DNASE2B: variants seen among roughly 807,000 people sequenced by gnomAD.
DNASE2B encodes the protein deoxyribonuclease-2-beta.
In DNASE2B, 43 loss-of-function variants were observed where a neutral mutation model predicts 46.0. The ratio of observed to expected loss-of-function variants is 0.94; its 90% CI spans 0.73 to 1.21. The LOEUF is 1.21. DNASE2B is among the 50% of genes most tolerant of loss of function. DNASE2B has a pLI of 0.00. For synonymous variants in DNASE2B, 156 were observed against 152.5 expected, an observed-to-expected ratio of 1.02 and a Z score of -0.17; for missense variants, 395 against 414.4, an observed-to-expected ratio of 0.95 and a Z score of 0.41.
intron 4 of DNASE2B, among the ~76,000 whole-genome samples, chr1:84,411,822 T>C (rs1003495933): frequency 3.9e-5 from 6 of 152,316 alleles, no homozygotes; most frequent in Middle Eastern, 3.4e-3. Context: ...GTCTCACTAG[T>C]TGAAATCATG....
chr1:84,413,353 T>A (rs934971397), intron 5 of DNASE2B, among the ~76,000 whole-genome samples: 1 of 152,212 alleles, frequency 6.6e-6, no homozygotes, highest in Non-Finnish European at 1.5e-5. Context: ...TCTTCCTTGC[T>A]TATTTGCTTC....
At chr1:84,412,671 G>A in intron 5 of DNASE2B, 125 bp downstream of exon 5, 1 of 1,015,470 alleles carries the variant, frequency 9.8e-7, no homozygotes. Flanking sequence ...AAAAGAAAAG[G>A]AAAAAGGAAA....
chr1:84,411,471 T>A (rs1429329232), intron 4 of DNASE2B, among the ~76,000 whole-genome samples: 156 of 44,766 alleles, frequency 3.5e-3, no homozygotes, highest in African/African-American at 0.012. Flanking sequence ...TGTGTGTGTG[T>A]GTGTGTGTGT....
intron 3 of DNASE2B, among the ~76,000 whole-genome samples, chr1:84,409,977 A>G (rs1263255553): frequency 1.3e-5 from 2 of 152,174 alleles, no homozygotes; most frequent in African/African-American, 2.4e-5. Flanking sequence ...AAAGAACAAC[A>G]GTATGCTTTC....
chr1:84,408,428 T>G lies in DNASE2B; in HGVS notation c.304-9T>G, dbSNP rs1320657994. 1.2e-5 allele frequency: 19 copies of G among 1,603,924 alleles called. No homozygotes were observed. Among genetic ancestry groups the G allele is most frequent in the Non-Finnish European group, 1.6e-5 (19 of 1,175,480 alleles). On this transcript the variant is annotated splice_polypyrimidine_tract_variant and intron_variant, in intron 2 of 5. Coordinates refer to ENST00000370665, the MANE Select transcript of DNASE2B (RefSeq NM_021233.3). ...TTTACGCCATTATAACCCTAATATATTCCTGCAGAGTAACAACACAGCCTA... is the reference window on the plus strand; with the variant it reads ...TTTACGCCATTATAACCCTAATATAGTCCTGCAGAGTAACAACACAGCCTA...
chr1:84,414,695 C>T lies in DNASE2B; in HGVS notation c.913C>T (p.His305Tyr). The T allele has an allele frequency of 6.2e-7, 1 of 1,614,146 alleles. No individual in the cohort carries two copies. Among genetic ancestry groups the T allele is most frequent in the African/African-American group, 1.3e-5 (1 of 75,028 alleles). The change falls in exon 6 of 6, where the codon CAT becomes TAT. Residue 305 changes from histidine to tyrosine, a missense_variant. Coordinates refer to ENST00000370665, the MANE Select transcript of DNASE2B (RefSeq NM_021233.3). ...CTCTTATTTCAGTTCTTATCAAGAT[C>T]ATGCCAAGTGGTGTATTTCCCAAAA... ...RHSYFSSYQD[H>Y]AKWCISQKGT... is the part of the protein sequence containing the mutation.
chr1:84,406,305 G>C (rs924678445), intron 2 of DNASE2B, among the ~76,000 whole-genome samples: 5 of 152,130 alleles, frequency 3.3e-5, no homozygotes, highest in African/African-American at 1.2e-4. Flanking sequence ...AGACTGCTAG[G>C]GGAGGAAGAA....
chr1:84,401,771 G>A (rs988200645), intron 1 of DNASE2B, 130 bp from the exon 2 acceptor site: 8 of 660,668 alleles, frequency 1.2e-5, no homozygotes, highest in Admixed American at 4.0e-5. Context: ...CAAAGAGCTT[G>A]AGCAAATCCC....
rs182527874 is a variant in DNASE2B at position 84,414,832 on chromosome 1, T to C, written c.1050T>C (p.Phe350=). ...AGAATTGGCAAATTTACCAAGCATTTCAAGGATTAGTATTATACTATGAAA... is the reference window on the plus strand; with the variant it reads ...AGAATTGGCAAATTTACCAAGCATTCCAAGGATTAGTATTATACTATGAAA... ...CTQNWQIYQA[F]QGLVLYYESC... is the part of the protein sequence containing the mutation. Residue 350 remains phenylalanine (F), a synonymous_variant, in exon 6 of 6, where the codon TTT becomes TTC. Transcript: ENST00000370665. 20 of 1,614,088 alleles carry C rather than the reference T, an allele frequency of 1.2e-5. No homozygotes were observed. In the Admixed American group the frequency reaches 1.7e-4, roughly 13 times the overall value.
chr1:84,399,681 G>T (rs1680373058), intron 1 of DNASE2B, among the ~76,000 whole-genome samples: 1 of 151,472 alleles, frequency 6.6e-6, no homozygotes, highest in Non-Finnish European at 1.5e-5. Flanking sequence ...GGAAATTTGG[G>T]AGTTGCAAAG....
chr1:84,412,953 ACCCCC>A lies in DNASE2B; in HGVS notation c.745+413_745+417del, dbSNP rs373659020. 6.4e-5 allele frequency among the ~76,000 whole-genome samples: 9 copies of A among 140,288 alleles called. 1 individual carries two copies. In the South Asian group the frequency reaches 1.2e-3, roughly 18 times the overall value. 92.0% of individuals were successfully genotyped at this position (140,288 alleles called of 152,430 possible). On this transcript the variant is annotated intron_variant, in intron 5 of 5. Coordinates refer to ENST00000370665, the MANE Select transcript of DNASE2B (RefSeq NM_021233.3). ...TAGGGAGAAACCACTTCTATATGCT[ACCCCC>A]CCCCCACCCCTCCAACAATCTTATC...
chr1:84,414,579 A>G lies in DNASE2B; in HGVS notation c.797A>G (p.Glu266Gly). Residue 266 changes from glutamate to glycine, a missense_variant, in exon 6 of 6, where the codon GAA becomes GGA. Physicochemically the swap from Glu to Gly is moderately conservative, Grantham distance 98. Coordinates refer to ENST00000370665, the MANE Select transcript of DNASE2B (RefSeq NM_021233.3). Reference sequence around the variant, plus strand: ...CGGCTGAAGACACACTTGTTAACAGAAACCTGGCAGCGAAAAAGACAAGAG... The same window carrying G: ...CGGCTGAAGACACACTTGTTAACAGGAACCTGGCAGCGAAAAAGACAAGAG... ...AQRLKTHLLT[E>G]TWQRKRQELP... 6.2e-7 allele frequency: 1 copy of G among 1,614,098 alleles called. No individual in the cohort carries two copies. The highest frequency in any genetic ancestry group is 8.5e-7 in the Non-Finnish European group (1 of 1,179,980).
chr1:84,404,123 G>T (rs533934447), intron 2 of DNASE2B, among the ~76,000 whole-genome samples: 1 of 152,150 alleles, frequency 6.6e-6, no homozygotes, highest in Admixed American at 6.5e-5. Context: ...AGCCTTGAAT[G>T]ATCAGACTGC....
At chr1:84,402,289 T>A (rs1241997606) in intron 2 of DNASE2B, among the ~76,000 whole-genome samples, 1 of 152,118 alleles carries the variant, frequency 6.6e-6, no homozygotes, top group Non-Finnish European at 1.5e-5. Context: ...AATGCCAAAT[T>A]TACTTGGCAC....
At chr1:84,411,772 T>C (rs138517769) in intron 4 of DNASE2B, among the ~76,000 whole-genome samples, 2 of 152,276 alleles carry the variant, frequency 1.3e-5, no homozygotes, top group Non-Finnish European at 2.9e-5. Flanking sequence ...TTCCATCTTA[T>C]GGCAAGGATC....
chr1:84,401,839 A>C (rs1680424887), intron 1 of DNASE2B, 62 bp from the exon 2 acceptor site: 2 of 1,265,386 alleles, frequency 1.6e-6, no homozygotes, highest in Non-Finnish European at 2.1e-6. Flanking sequence ...TGTGTAATAC[A>C]GTTACTGCCA....
chr1:84,406,337 C>G (rs1471412769), intron 2 of DNASE2B, among the ~76,000 whole-genome samples: 1 of 152,098 alleles, frequency 6.6e-6, no homozygotes, highest in Non-Finnish European at 1.5e-5. Context: ...CATTGTAAAG[C>G]CTCTATCATT....
chr1:84,401,060 A>AGG (rs1049545247), intron 1 of DNASE2B, among the ~76,000 whole-genome samples: 3 of 152,166 alleles, frequency 2.0e-5, no homozygotes, highest in Admixed American at 2.0e-4. Context: ...GTGAGTGTTT[A>AGG]GGGGTTAATG....
At chr1:84,407,113 T>C (rs1284257980) in intron 2 of DNASE2B, among the ~76,000 whole-genome samples, 1 of 152,186 alleles carries the variant, frequency 6.6e-6, no homozygotes, top group Non-Finnish European at 1.5e-5. Flanking sequence ...AAGTCCATGA[T>C]CTTTTCCCTT....
Sources: allele counts gnomAD v4.1 joint callset (sites outside exome capture counted in the v4.1 genomes callset), GRCh38; gene constraint gnomAD v4.1.1; transcripts MANE v1.5; gene names NCBI Gene and HGNC (gene_info 2026-07-23, HGNC 2026-07-21).